The following STXBP4 variants were observed in gnomAD, a reference collection of about 807,000 sequenced individuals.
STXBP4 encodes syntaxin binding protein 4, also known as syntaxin-binding protein 4.
In STXBP4, 55 loss-of-function variants were observed where a neutral mutation model predicts 76.1. The ratio of observed to expected loss-of-function variants is 0.72; its 90% confidence interval spans 0.58 to 0.91. STXBP4 has a LOEUF of 0.91. Among genes scored for constraint, STXBP4 ranks in the 40% least tolerant of loss-of-function variants. The probability of loss-of-function intolerance (pLI) is 0.00; values close to 1 mark genes in which losing one functional copy is unlikely to be tolerated. For missense variants in STXBP4, 618 were observed against 636.9 expected (o/e 0.97, Z 0.32); for synonymous variants, 201 against 220.2 (o/e 0.91, Z 0.77).
chr17:54,989,142 C>G (rs1236307074), intron 3 of STXBP4, among the ~76,000 whole-genome samples: 1 of 152,236 alleles, frequency 6.6e-6, no homozygotes, highest in African/African-American at 2.4e-5. Flanking sequence ...GAGTCTCGCT[C>G]TGTTGCCCAG....
chr17:54,991,780 G>T (rs1302869942), intron 4 of STXBP4: 2 of 150,306 alleles, frequency 1.3e-5, no homozygotes, highest in Non-Finnish European at 3.0e-5. Context: ...ATTTTGGAGA[G>T]ATATCAAATG....
intron 8 of STXBP4, among the ~76,000 whole-genome samples, chr17:55,026,184 C>T (rs2078410337): frequency 6.6e-6 from 1 of 152,140 alleles, no homozygotes; most frequent in Non-Finnish European, 1.5e-5. Context: ...TAGCAATACT[C>T]CCCACGTCGG....
At chr17:55,093,529 A>C (rs2079444881) in intron 16 of STXBP4, among the ~76,000 whole-genome samples, 1 of 152,070 alleles carries the variant, frequency 6.6e-6, no homozygotes, top group African/African-American at 2.4e-5. Flanking sequence ...TAATAACCAC[A>C]ACAAATATTT....
chr17:55,204,340 G>A, the STXBP4 span, among the ~76,000 whole-genome samples: 6 of 151,926 alleles, frequency 3.9e-5, no homozygotes, highest in Non-Finnish European at 7.4e-5. Context: ...TTTCTTGAAT[G>A]TATTAATTAT....
At chr17:54,994,784 G>T (rs1026315795) in intron 4 of STXBP4, among the ~76,000 whole-genome samples, 2 of 150,680 alleles carry the variant, frequency 1.3e-5, no homozygotes, top group Non-Finnish European at 2.9e-5. Context: ...CATTTTCTCA[G>T]TTCCTGGAAG....
intron 16 of STXBP4, among the ~76,000 whole-genome samples, chr17:55,089,117 G>A (rs1474763450): frequency 6.6e-6 from 1 of 152,154 alleles, no homozygotes; most frequent in Non-Finnish European, 1.5e-5. Flanking sequence ...AAAGTGGCAG[G>A]ATTGAAAGAT....
At chr17:55,091,975 T>C (rs77071898) in intron 16 of STXBP4, among the ~76,000 whole-genome samples, 1,999 of 152,294 alleles carry the variant, frequency 0.013, 41 homozygotes, top group South Asian at 0.045. Context: ...ATACTTCTGG[T>C]CCAAGCATCT....
At chr17:55,159,597 C>G (rs1289023852) in intron 17 of STXBP4, among the ~76,000 whole-genome samples, 200 bp from the exon 18 acceptor site, 1 of 152,156 alleles carries the variant, frequency 6.6e-6, no homozygotes, top group Admixed American at 6.5e-5. Context: ...TCCTTTTTAA[C>G]CAAAGAAGAA....
chr17:55,027,333 C>G (rs1031133595), intron 8 of STXBP4, among the ~76,000 whole-genome samples: 6 of 152,122 alleles, frequency 3.9e-5, no homozygotes, highest in African/African-American at 1.4e-4. Context: ...CTTCCTATCG[C>G]CCAAGATACT....
chr17:55,084,531 G>A (rs1397362167), intron 16 of STXBP4, among the ~76,000 whole-genome samples: 1 of 150,678 alleles, frequency 6.6e-6, no homozygotes, highest in Non-Finnish European at 1.5e-5. Context: ...ATTGCTTTTG[G>A]TGTTTTAGAC....
downstream of STXBP4, among the ~76,000 whole-genome samples, chr17:55,177,019 G>A (rs1016049619): frequency 6.6e-6 from 1 of 152,024 alleles, no homozygotes; most frequent in Non-Finnish European, 1.5e-5. Context: ...ACATCAGACT[G>A]GGACCAAATT....
chr17:55,159,988 T>C lies in STXBP4; in HGVS notation c.*77T>C, dbSNP rs2080323380. On this transcript the variant is annotated 3_prime_UTR_variant, in exon 18 of 18. Coordinates refer to ENST00000376352, the MANE Select transcript of STXBP4 (RefSeq NM_178509.6). ...AACATCCAATTCTGAGATGAAACAGTCTAAAATAGGAGTAAAGCATGCACT... is the reference window on the plus strand; with the variant it reads ...AACATCCAATTCTGAGATGAAACAGCCTAAAATAGGAGTAAAGCATGCACT... 2 of 883,066 alleles carry C rather than the reference T, an allele frequency of 2.3e-6. No homozygotes were observed. Among genetic ancestry groups the C allele is most frequent in the Non-Finnish European group, 3.7e-6 (2 of 543,062 alleles). 54.7% of individuals were successfully genotyped at this position (883,066 alleles called of 1,614,324 possible). A position where few individuals can be genotyped will look rare whatever the true frequency, so the allele number is the denominator to read the frequency against.
At chr17:55,039,509 G>A (rs745993501) in intron 10 of STXBP4, among the ~76,000 whole-genome samples, 3 of 152,122 alleles carry the variant, frequency 2.0e-5, no homozygotes, top group Non-Finnish European at 4.4e-5. Context: ...AATCATATGT[G>A]TTGGTTATCT....
chr17:55,090,666 A>G (rs1037248350), intron 16 of STXBP4, among the ~76,000 whole-genome samples: 1 of 152,170 alleles, frequency 6.6e-6, no homozygotes, highest in Admixed American at 6.5e-5. Flanking sequence ...AGCTCTTATA[A>G]ACAAATGCAT....
intron 8 of STXBP4, among the ~76,000 whole-genome samples, chr17:55,022,105 C>T (rs371237891): frequency 1.3e-5 from 2 of 150,858 alleles, no homozygotes; most frequent in African/African-American, 4.9e-5. Context: ...CAGTTCTGTC[C>T]CTTCTGTAGG....
rs544363802 is a variant in STXBP4 at position 55,166,986 on chromosome 17, G to C, written c.*7075G>C. 6.6e-6 allele frequency: 1 copy of C among 152,286 alleles called. No individual in the cohort carries two copies. The highest frequency in any genetic ancestry group is 2.1e-4 in the South Asian group (1 of 4,824). The allele number at this position is 152,286 out of a possible 1,614,324, so 9.4% of individuals were successfully genotyped here. On this transcript the variant is annotated 3_prime_UTR_variant, in exon 18 of 18. Transcript: ENST00000376352. ...TGAGTAAATCAGGTGGAGGTGGGAA[G>C]GAAATGGGAAAACAGAATACTGGCC...
chr17:55,016,252 T>G (rs1043100223), intron 8 of STXBP4, among the ~76,000 whole-genome samples: 1 of 152,176 alleles, frequency 6.6e-6, no homozygotes, highest in Admixed American at 6.5e-5. Flanking sequence ...GTAGCAGTCC[T>G]GCACCTGTTT....
At chr17:55,040,924 A>G (rs948271809) in intron 10 of STXBP4, among the ~76,000 whole-genome samples, 1 of 152,152 alleles carries the variant, frequency 6.6e-6, no homozygotes, top group Non-Finnish European at 1.5e-5. Context: ...TTTGAATGGA[A>G]CTATACAAAA....
chr17:55,113,682 A>G (rs2079749475), intron 16 of STXBP4, among the ~76,000 whole-genome samples: 1 of 152,154 alleles, frequency 6.6e-6, no homozygotes. Flanking sequence ...AAAGACCTGG[A>G]AAGAATGAAT....
Sources: allele counts gnomAD v4.1 joint callset (sites outside exome capture counted in the v4.1 genomes callset), GRCh38; gene constraint gnomAD v4.1.1; transcripts MANE v1.5; gene names NCBI Gene and HGNC (gene_info 2026-07-23, HGNC 2026-07-21).